Variants in USP44 observed in about 807,000 individuals in gnomAD.
USP44 encodes ubiquitin carboxyl-terminal hydrolase 44.
In USP44, 61 loss-of-function variants were observed where a neutral mutation model predicts 69.0. The observed-to-expected ratio is 0.88, with a 90% CI of 0.72 to 1.09. USP44 has a LOEUF of 1.09. Ranked by LOEUF, USP44 falls within the 50% of genes least tolerant of loss-of-function variation. USP44 has a pLI of 0.00. For missense variants in USP44, 753 were observed against 849.9 expected, an observed-to-expected ratio of 0.89 and a Z score of 1.42; for synonymous variants, 297 against 295.4, an observed-to-expected ratio of 1.01 and a Z score of -0.06.
intron 5 of USP44, among the ~76,000 whole-genome samples, chr12:95,519,940 G>A (rs1196907198): frequency 6.8e-5 from 10 of 146,848 alleles, no homozygotes; most frequent in African/African-American, 1.8e-4. Context: ...CTTGGGAGGC[G>A]GAGGTTGCAG....
rs12231232 is a variant in USP44 at position 95,544,465 on chromosome 12, G to A, written c.-71+6807C>T. Among the ~76,000 whole-genome samples, 286 of 152,284 alleles carry A rather than the reference G, an allele frequency of 1.9e-3. 7 individuals carry two copies. In the East Asian group the frequency reaches 0.048, roughly 26 times the overall value. On this transcript the variant is annotated intron_variant, in intron 1 of 5. Coordinates refer to ENST00000258499, the MANE Select transcript of USP44 (RefSeq NM_032147.5). Reference sequence around the variant, plus strand: ...ATGGAAAGGGACGATACAGCTGTAAGCCCTGGAGGTTCTTACAAGAGGATA... The same window carrying A: ...ATGGAAAGGGACGATACAGCTGTAAACCCTGGAGGTTCTTACAAGAGGATA...
chr12:95,518,582 T>G (rs1377919130), intron 5 of USP44, among the ~76,000 whole-genome samples: 1 of 152,222 alleles, frequency 6.6e-6, no homozygotes, highest in Non-Finnish European at 1.5e-5. Flanking sequence ...TGACACTATT[T>G]ATTCTTTGTG....
chr12:95,530,152 GCA>G (rs1337320564), intron 2 of USP44, among the ~76,000 whole-genome samples: 2 of 152,134 alleles, frequency 1.3e-5, no homozygotes, highest in Non-Finnish European at 2.9e-5. Flanking sequence ...TATAGTCCTG[GCA>G]CAGGCAACAA....
chr12:95,541,054 C>G (rs754653572), intron 1 of USP44, among the ~76,000 whole-genome samples: 2 of 152,076 alleles, frequency 1.3e-5, no homozygotes, highest in African/African-American at 4.8e-5. Flanking sequence ...CCAAGGCGGG[C>G]GGATCACGAG....
At chr12:95,544,813 G>C (rs187654350) in intron 1 of USP44, among the ~76,000 whole-genome samples, 1 of 151,842 alleles carries the variant, frequency 6.6e-6, no homozygotes, top group African/African-American at 2.4e-5. Context: ...GCTTCCCCCC[G>C]CCATAGCTCA....
intron 1 of USP44, chr12:95,535,443 A>T (rs1293339843): frequency 6.6e-6 from 1 of 152,212 alleles, no homozygotes; most frequent in Non-Finnish European, 1.5e-5. Flanking sequence ...GGAAAGAGAA[A>T]GACAGAAGAG....
intron 1 of USP44, among the ~76,000 whole-genome samples, chr12:95,536,050 T>G (rs2077192555): frequency 1.4e-5 from 2 of 147,036 alleles, no homozygotes; most frequent in East Asian, 1.9e-4. Flanking sequence ...TTTTTTTTTT[T>G]TTTTTTTTTT....
intron 1 of USP44, among the ~76,000 whole-genome samples, chr12:95,541,717 ACAAT>A (rs780236716): frequency 1.3e-5 from 2 of 152,154 alleles, no homozygotes; most frequent in Non-Finnish European, 2.9e-5. Flanking sequence ...AAAATCCTCC[ACAAT>A]CAGATTCTAA....
chr12:95,530,490 T>C (rs924726416), intron 2 of USP44, among the ~76,000 whole-genome samples: 2 of 152,174 alleles, frequency 1.3e-5, no homozygotes, highest in African/African-American at 4.8e-5. Context: ...GAAAAGCCAT[T>C]ACAGCAACCA....
At chr12:95,531,944 G>A (rs1406705243) in intron 2 of USP44, among the ~76,000 whole-genome samples, 1 of 152,086 alleles carries the variant, frequency 6.6e-6, no homozygotes, top group Non-Finnish European at 1.5e-5. Flanking sequence ...TGGTTTTATA[G>A]TCCACCTTAT....
chr12:95,533,032 C>T lies in USP44; in HGVS notation c.1225G>A (p.Val409Met), dbSNP rs764490522. ...LVSPFAMLHS[V>M]WRLIPAFRGY... ...CGAAAGGCAGGAATGAGTCTCCACA[C>T]TGAGTGTAGCATAGCAAATGGTGAG... The change falls in exon 2 of 6, where the codon GTG (valine) becomes ATG (methionine). Residue 409 changes from valine to methionine, a missense_variant. By Grantham distance (21) the Val-to-Met change is conservative. Coordinates refer to ENST00000258499, the MANE Select transcript of USP44 (RefSeq NM_032147.5). 1.2e-6 allele frequency: 2 copies of T among 1,614,104 alleles called. No individual in the cohort carries two copies. Among genetic ancestry groups the T allele is most frequent in the Non-Finnish European group, 8.5e-7 (1 of 1,180,048 alleles).
intron 1 of USP44, among the ~76,000 whole-genome samples, chr12:95,543,209 T>C (rs1192459985): frequency 1.3e-5 from 2 of 151,502 alleles, no homozygotes; most frequent in African/African-American, 2.4e-5. Context: ...AAGACCAGCC[T>C]GGCCAACACG....
intron 5 of USP44, among the ~76,000 whole-genome samples, chr12:95,519,976 C>G: frequency 7.9e-6 from 1 of 127,142 alleles, no homozygotes; most frequent in East Asian, 2.3e-4. Context: ...CTGCTGTACT[C>G]TAGCCCAGGG....
chr12:95,522,272 C>T (rs961970982), intron 4 of USP44, among the ~76,000 whole-genome samples: 2 of 151,366 alleles, frequency 1.3e-5, no homozygotes, highest in Non-Finnish European at 2.9e-5. Context: ...AAGGGAGAGA[C>T]AAGAACATAG....
At chr12:95,526,877 A>G (rs2076853797) in intron 3 of USP44, among the ~76,000 whole-genome samples, 1 of 152,138 alleles carries the variant, frequency 6.6e-6, no homozygotes, top group Admixed American at 6.5e-5. Flanking sequence ...TAGTATAAAT[A>G]CTAAGATGCT....
intron 5 of USP44, among the ~76,000 whole-genome samples, chr12:95,519,433 T>C (rs12231045): frequency 0.023 from 767 of 32,930 alleles, 17 homozygotes; most frequent in East Asian, 0.054. Flanking sequence ...TCAATCTGTA[T>C]TTTTTTTTTT....
At chr12:95,549,979 G>C (rs925779914) in intron 1 of USP44, among the ~76,000 whole-genome samples, 4 of 152,100 alleles carry the variant, frequency 2.6e-5, no homozygotes, top group African/African-American at 9.7e-5. Context: ...AGGAGTTCGA[G>C]AGCAGCCTGG....
rs1470988794 is a variant in USP44 at position 95,549,427 on chromosome 12, C to G, written c.-71+1845G>C. 2.0e-5 allele frequency among the ~76,000 whole-genome samples: 3 copies of G among 152,080 alleles called. 1 individual carries two copies. The highest frequency in any genetic ancestry group is 1.5e-5 in the Non-Finnish European group (1 of 68,010). On this transcript the variant is annotated intron_variant, in intron 1 of 5. Coordinates refer to ENST00000258499, the MANE Select transcript of USP44 (RefSeq NM_032147.5). ...GCCCATTTAAATAATGAAGTACATACCGAAAAGGAAAAGGAGGGGAAATCT... is the reference window on the plus strand; with the variant it reads ...GCCCATTTAAATAATGAAGTACATAGCGAAAAGGAAAAGGAGGGGAAATCT...
rs1336458115 is a variant in USP44, at chr12:95,536,031, T to TTTC, written c.-70-1706_-70-1705insGAA. The stretch of plus-strand genomic sequence containing the variant: ...ATGTTCACATGTTTCTTTCTTTCCT[T>TTTC]TTTTTTCCTTTTTTTTTTTTTTTTT... On this transcript the variant is annotated intron_variant, in intron 1 of 5. Coordinates refer to ENST00000258499, the MANE Select transcript of USP44 (RefSeq NM_032147.5). 9.5e-5 allele frequency among the ~76,000 whole-genome samples: 12 copies of TTTC among 125,898 alleles called. 1 individual carries two copies. The highest frequency in any genetic ancestry group is 2.5e-4 in the South Asian group (1 of 4,018). The allele number at this position is 125,898 out of a possible 152,430, so 82.6% of individuals were successfully genotyped here.
Sources: gnomAD v4.1 joint callset for allele counts (sites outside exome capture counted in the v4.1 genomes callset) on GRCh38, gnomAD v4.1.1 for gene constraint, MANE v1.5 for transcripts, NCBI Gene and HGNC (gene_info 2026-07-23, HGNC 2026-07-21) for gene names.